The following TOGARAM1 variants were observed in gnomAD, a reference collection of about 807,000 sequenced individuals.
TOGARAM1 encodes TOG array regulator of axonemal microtubules protein 1.
In TOGARAM1, 100 loss-of-function variants were observed where a neutral mutation model predicts 166.6. The observed-to-expected ratio is 0.60, with a 90% confidence interval of 0.51 to 0.71. The LOEUF (loss-of-function observed/expected upper bound fraction) is 0.71, where lower values mean the gene tolerates loss of function less well. Ranked by LOEUF, TOGARAM1 falls within the 30% of genes least tolerant of loss-of-function variation. The probability of loss-of-function intolerance (pLI) is 0.00; values close to 1 mark genes in which losing one functional copy is unlikely to be tolerated. For synonymous variants in TOGARAM1, 758 were observed against 763.8 expected (o/e 0.99, Z 0.13); for missense variants, 2,029 against 2,102.7 (o/e 0.96, Z 0.69).
chr14:45,008,453 T>C (rs889769909), intron 5 of TOGARAM1, among the ~76,000 whole-genome samples: 1 of 152,156 alleles, frequency 6.6e-6, no homozygotes, highest in African/African-American at 2.4e-5. Context: ...TGATCTGTAA[T>C]TTTAATACTT....
chr14:45,039,255 C>T (rs1594680841), intron 11 of TOGARAM1, among the ~76,000 whole-genome samples: 4 of 152,130 alleles, frequency 2.6e-5, no homozygotes, highest in Admixed American at 2.0e-4. Flanking sequence ...CTGGCTGAGT[C>T]CAGGATTTTT....
At chr14:44,977,210 A>C (rs1489249132) in intron 1 of TOGARAM1, among the ~76,000 whole-genome samples, 1 of 151,502 alleles carries the variant, frequency 6.6e-6, no homozygotes, top group East Asian at 1.9e-4. Flanking sequence ...CCTTAGCATA[A>C]ATTGAAGAAA....
chr14:44,998,965 C>G (rs537762566), intron 2 of TOGARAM1, among the ~76,000 whole-genome samples: 40 of 152,236 alleles, frequency 2.6e-4, no homozygotes, highest in Admixed American at 2.2e-3. Context: ...GATCACACCA[C>G]TGCACAAAAA....
chr14:45,071,607 T>G, intron 18 of TOGARAM1, 105 bp from the exon 19 acceptor site: 1 of 671,018 alleles, frequency 1.5e-6, no homozygotes, highest in Non-Finnish European at 2.5e-6. Context: ...GTTATACATT[T>G]GCATCCTAGA....
intron 11 of TOGARAM1, among the ~76,000 whole-genome samples, chr14:45,041,813 G>A (rs923535480): frequency 5.3e-5 from 8 of 152,222 alleles, no homozygotes; most frequent in African/African-American, 1.9e-4. Context: ...CCAGGCTGAA[G>A]TGCAGTGGCA....
In TOGARAM1 at chr14:45,073,741, C is replaced by T. The variant is rs1883486847; in HGVS notation, c.*180C>T. 2.1e-6 allele frequency: 1 copy of T among 486,388 alleles called. No homozygotes were observed. Among genetic ancestry groups the T allele is most frequent in the Non-Finnish European group, 3.6e-6 (1 of 281,578 alleles). 30.1% of individuals were successfully genotyped at this position (486,388 alleles called of 1,614,324 possible). A position where few individuals can be genotyped will look rare whatever the true frequency, so the allele number is the denominator to read the frequency against. On this transcript the variant is annotated 3_prime_UTR_variant, in exon 20 of 20. Coordinates refer to ENST00000361462, the MANE Select transcript of TOGARAM1 (RefSeq NM_001308120.2). ...TATCAACCTTACCACTTATATTCAT[C>T]ACATAAAAACCTAAAATATTCATGA...
In TOGARAM1 at chr14:45,052,504, A is replaced by G. The variant is rs376344740; in HGVS notation, c.4382A>G (p.Tyr1461Cys). The stretch of plus-strand genomic sequence containing the variant: ...AACTTTGAAAAAATGCTTGAAAAGT[A>G]TGTCCCATCTAAAGATTTGCCATAT... ...HPNFEKMLEKYVPSKDLPYIK... is the reference protein window; with the variant it reads ...HPNFEKMLEKCVPSKDLPYIK... Residue 1461 changes from tyrosine (Y) to cysteine (C), a missense_variant, in exon 15 of 20, where the codon TAT (tyrosine) becomes TGT (cysteine). Transcript: ENST00000361462. The G allele has an allele frequency of 3.0e-5, 49 of 1,612,922 alleles. No individual in the cohort carries two copies. The highest frequency in any genetic ancestry group is 4.2e-5 in the Non-Finnish European group (49 of 1,179,480).
intron 1 of TOGARAM1, among the ~76,000 whole-genome samples, chr14:44,982,702 C>T (rs1223971165): frequency 6.6e-6 from 1 of 152,162 alleles, no homozygotes; most frequent in East Asian, 1.9e-4. Flanking sequence ...TATTCAGCAT[C>T]TGTCTTTTTA....
At chr14:44,968,155 A>G (rs1290687931) in intron 1 of TOGARAM1, among the ~76,000 whole-genome samples, 2 of 152,252 alleles carry the variant, frequency 1.3e-5, no homozygotes, top group Non-Finnish European at 2.9e-5. Flanking sequence ...AAGGTCTTAG[A>G]AGAACTATTT....
chr14:44,978,034 A>G (rs1194565479), intron 1 of TOGARAM1, among the ~76,000 whole-genome samples: 1 of 152,220 alleles, frequency 6.6e-6, no homozygotes, highest in Non-Finnish European at 1.5e-5. Context: ...TATAATTGCT[A>G]ACATGAGATT....
chr14:45,072,591 G>GT (rs1351831266), intron 19 of TOGARAM1, among the ~76,000 whole-genome samples: 1 of 151,882 alleles, frequency 6.6e-6, no homozygotes, highest in Non-Finnish European at 1.5e-5. Flanking sequence ...CGCCTGGCTA[G>GT]TTTTTTTATT....
chr14:44,968,511 G>A (rs1351293629), intron 1 of TOGARAM1, among the ~76,000 whole-genome samples: 4 of 152,188 alleles, frequency 2.6e-5, no homozygotes, highest in African/African-American at 9.7e-5. Flanking sequence ...GCCTCCCAAA[G>A]TGCTGGGATT....
At chr14:45,073,097 A>G (rs1332806421) in intron 19 of TOGARAM1, among the ~76,000 whole-genome samples, 199 bp from the exon 20 acceptor site, 1 of 152,210 alleles carries the variant, frequency 6.6e-6, no homozygotes, top group Admixed American at 6.5e-5. Flanking sequence ...TAATTGTTCT[A>G]TATGGGATTC....
Position 44,963,604 on chromosome 14 carries a change from T to C in TOGARAM1, c.1183T>C (p.Phe395Leu). Residue 395 changes from phenylalanine (F) to leucine (L), a missense_variant, in exon 1 of 20, where the codon TTC (phenylalanine) becomes CTC (leucine). Phe to Leu is a conservative substitution (Grantham distance 22). This residue lies in a region of TOGARAM1 where 1,453 missense variants were observed against 1,432.2 expected (regional missense o/e 1.01). Coordinates refer to ENST00000361462, the MANE Select transcript of TOGARAM1 (RefSeq NM_001308120.2). Reference protein sequence around the residue: ...SSTPHSSLVGFISLLYNLLDD... With the variant: ...SSTPHSSLVGLISLLYNLLDD... Reference sequence around the variant, plus strand: ...TACTCCTCATTCTAGTCTTGTTGGCTTCATTAGTTTGCTATATAATTTGTT... The same window carrying C: ...TACTCCTCATTCTAGTCTTGTTGGCCTCATTAGTTTGCTATATAATTTGTT... 1 of 1,613,632 alleles carries C rather than the reference T, an allele frequency of 6.2e-7. No homozygotes were observed. The highest frequency in any genetic ancestry group is 8.5e-7 in the Non-Finnish European group (1 of 1,179,880).
intron 6 of TOGARAM1, 25 bp downstream of exon 6, chr14:45,009,170 A>G (rs987759511): frequency 6.5e-7 from 1 of 1,540,552 alleles, no homozygotes; most frequent in South Asian, 1.1e-5. Flanking sequence ...GACGTGATAA[A>G]TGAATGTTCC....
In TOGARAM1 at chr14:44,963,522, C is replaced by G. The variant is rs760912655; in HGVS notation, c.1101C>G (p.Asn367Lys). 5 of 1,614,066 alleles carry G rather than the reference C, an allele frequency of 3.1e-6. No individual in the cohort carries two copies. Among genetic ancestry groups the G allele is most frequent in the Admixed American group, 3.3e-5 (2 of 59,996 alleles). Residue 367 changes from asparagine (N) to lysine (K), a missense_variant, in exon 1 of 20, where the codon AAC becomes AAG. Physicochemically the swap from Asn to Lys is moderately conservative, Grantham distance 94. Transcript: ENST00000361462. Reference protein sequence around the residue: ...SRLLDQEDYKNRTQAVEELKQ... With the variant: ...SRLLDQEDYKKRTQAVEELKQ... ...TATTGGATCAGGAAGACTATAAGAACCGGACCCAGGCCGTCGAAGAACTAA... is the reference window on the plus strand; with the variant it reads ...TATTGGATCAGGAAGACTATAAGAAGCGGACCCAGGCCGTCGAAGAACTAA...
chr14:45,064,941 G>C (rs1375593004), intron 16 of TOGARAM1, among the ~76,000 whole-genome samples: 1 of 151,274 alleles, frequency 6.6e-6, no homozygotes, highest in Non-Finnish European at 1.5e-5. Context: ...TTCATTAGCT[G>C]TATCTTTTTG....
intron 7 of TOGARAM1, among the ~76,000 whole-genome samples, chr14:45,013,152 A>G (rs764855338): frequency 6.6e-6 from 1 of 152,264 alleles, no homozygotes; most frequent in East Asian, 1.9e-4. Flanking sequence ...GCAAATGCAC[A>G]TACTGTTTTT....
At chr14:44,984,716 A>G (rs925184182) in intron 1 of TOGARAM1, among the ~76,000 whole-genome samples, 1 of 151,972 alleles carries the variant, frequency 6.6e-6, no homozygotes, top group African/African-American at 2.4e-5. Flanking sequence ...TCAGGTGTGC[A>G]GTGAGCTATG....
Sources: gnomAD v4.1 joint callset for allele counts (sites outside exome capture counted in the v4.1 genomes callset) on GRCh38, gnomAD v4.1.1 for gene constraint, gnomAD v4.1.1 regional missense constraint, MANE v1.5 for transcripts, NCBI Gene and HGNC (gene_info 2026-07-23, HGNC 2026-07-21) for gene names.